The following CCDC6 variants were observed in gnomAD, a reference collection of about 807,000 sequenced individuals.
CCDC6 encodes coiled-coil domain containing 6.
A neutral mutation model predicts 56.6 loss-of-function variants in CCDC6; 20 were observed. The observed-to-expected ratio is 0.35, with a 90% confidence interval of 0.25 to 0.51. CCDC6 has a LOEUF of 0.51. Ranked by LOEUF, CCDC6 falls within the 20% of genes least tolerant of loss-of-function variation. CCDC6 has a pLI of 0.95. For synonymous variants in CCDC6, 241 were observed against 234.4 expected (o/e 1.03, Z -0.26); for missense variants, 367 against 601.1 (o/e 0.61, Z 4.07).
intron 1 of CCDC6, among the ~76,000 whole-genome samples, chr10:59,870,048 C>A (rs1050133678): frequency 3.9e-5 from 6 of 152,152 alleles, no homozygotes; most frequent in African/African-American, 1.4e-4. Context: ...ATTACACTAC[C>A]TTCTTTCCAT....
intron 1 of CCDC6, among the ~76,000 whole-genome samples, chr10:59,861,432 C>CAAAAAA (rs55716341): frequency 2.2e-5 from 2 of 88,968 alleles, no homozygotes; most frequent in Non-Finnish European, 4.4e-5. Flanking sequence ...CAAAAATTAC[C>CAAAAAA]AAAAAAAAAA....
intron 1 of CCDC6, among the ~76,000 whole-genome samples, chr10:59,887,153 A>G (rs919691954): frequency 6.6e-6 from 1 of 152,246 alleles, no homozygotes; most frequent in Non-Finnish European, 1.5e-5. Context: ...CCCTAGAATC[A>G]GCTTGCTTAG....
rs188303158 is a variant in CCDC6, at chr10:59,822,612, T to C, written c.583-7857A>G. Among the ~76,000 whole-genome samples the C allele has an allele frequency of 4.6e-5, 7 of 152,276 alleles. No individual in the cohort carries two copies. The East Asian group carries it at 1.2e-3, about 25-fold the overall frequency. On this transcript the variant is annotated intron_variant, in intron 3 of 8. Coordinates refer to ENST00000263102, the MANE Select transcript of CCDC6 (RefSeq NM_005436.5). The stretch of plus-strand genomic sequence containing the variant: ...CAGACTATTACCTAAAATAAGCATC[T>C]TGCTGGGTGTGGTGGTGCATGTCTG...
intron 1 of CCDC6, among the ~76,000 whole-genome samples, chr10:59,867,889 C>G (rs1208828324): frequency 6.6e-6 from 1 of 152,092 alleles, no homozygotes; most frequent in African/African-American, 2.4e-5. Flanking sequence ...TTAAATCTAC[C>G]TATGACCTGG....
chr10:59,886,769 A>G (rs1284135904), intron 1 of CCDC6, among the ~76,000 whole-genome samples: 3 of 152,218 alleles, frequency 2.0e-5, no homozygotes, highest in East Asian at 3.8e-4. Context: ...TAACATATAG[A>G]GTTCTAAGAA....
At chr10:59,803,458 C>T (rs1355107050) in intron 7 of CCDC6, among the ~76,000 whole-genome samples, 2 of 152,248 alleles carry the variant, frequency 1.3e-5, no homozygotes, top group Admixed American at 1.3e-4. Flanking sequence ...AACTCTGCCT[C>T]TGTCACAGTC....
chr10:59,854,718 G>A (rs961605253), intron 1 of CCDC6, among the ~76,000 whole-genome samples: 3 of 152,134 alleles, frequency 2.0e-5, no homozygotes, highest in African/African-American at 7.2e-5. Context: ...TCAAACTTCA[G>A]GATTTCACGC....
At chr10:59,872,871 T>A (rs1478500977) in intron 1 of CCDC6, among the ~76,000 whole-genome samples, 1 of 151,956 alleles carries the variant, frequency 6.6e-6, no homozygotes, top group African/African-American at 2.4e-5. Flanking sequence ...AAGCTGTCAT[T>A]AGGAATTAAG....
At chr10:59,812,564 G>T in intron 5 of CCDC6, 71 bp downstream of exon 5, 3 of 985,898 alleles carry the variant, frequency 3.0e-6, no homozygotes, top group Non-Finnish European at 4.4e-6. Context: ...ATTAAATGTT[G>T]GTAATACCCT....
intron 3 of CCDC6, among the ~76,000 whole-genome samples, chr10:59,816,797 C>G (rs746257551): frequency 3.9e-5 from 6 of 152,292 alleles, no homozygotes; most frequent in Non-Finnish European, 5.9e-5. Context: ...TTCCTTAGTA[C>G]ATCCTCAGTA....
At chr10:59,860,518 G>C (rs2071119346) in intron 1 of CCDC6, among the ~76,000 whole-genome samples, 1 of 152,044 alleles carries the variant, frequency 6.6e-6, no homozygotes, top group Non-Finnish European at 1.5e-5. Context: ...CTACAGCTCA[G>C]GCATTTGAGA....
chr10:59,880,750 C>G (rs1252125955), intron 1 of CCDC6, among the ~76,000 whole-genome samples: 1 of 152,228 alleles, frequency 6.6e-6, no homozygotes. Context: ...CTATTTAGGC[C>G]AGTTCCTTAA....
At chr10:59,865,022 G>A (rs1312977140) in intron 1 of CCDC6, among the ~76,000 whole-genome samples, 2 of 152,122 alleles carry the variant, frequency 1.3e-5, no homozygotes, top group Non-Finnish European at 1.5e-5. Context: ...CCTCCAAAAC[G>A]TTTTAGCTCA....
rs537202515 is a variant in CCDC6, at chr10:59,814,769, A to G, written c.583-14T>C. ...CTCCCGTCTCAACTAAAGGAAGGAA[A>G]AAAGTGTTACCAAAGTGTCAGGCCA... On this transcript the variant is annotated splice_polypyrimidine_tract_variant and intron_variant, in intron 3 of 8. Transcript: ENST00000263102. The G allele has an allele frequency of 1.8e-5, 28 of 1,544,328 alleles. No homozygotes were observed. The African/African-American group carries it at 3.0e-4, about 16-fold the overall frequency.
intron 1 of CCDC6, among the ~76,000 whole-genome samples, chr10:59,896,914 T>C (rs775073123): frequency 4.0e-5 from 6 of 149,900 alleles, no homozygotes; most frequent in Non-Finnish European, 7.4e-5. Context: ...TTTCACAATA[T>C]AAACCCCATG....
At chr10:59,800,765 C>A (rs2070568328) in intron 7 of CCDC6, among the ~76,000 whole-genome samples, 1 of 151,864 alleles carries the variant, frequency 6.6e-6, no homozygotes, top group Non-Finnish European at 1.5e-5. Context: ...TAAAGGATAA[C>A]CCCTCCCCAC....
intron 2 of CCDC6, among the ~76,000 whole-genome samples, chr10:59,843,870 C>T (rs1392585072): frequency 2.0e-5 from 3 of 152,192 alleles, no homozygotes; most frequent in African/African-American, 7.2e-5. Context: ...GTAGGGTTGA[C>T]TGATCACTCT....
In CCDC6 at chr10:59,859,562, T is replaced by C. The variant is rs73263477; in HGVS notation, c.304-6860A>G. Among the ~76,000 whole-genome samples the C allele has an allele frequency of 8.0e-3, 1,224 of 152,228 alleles. 25 individuals are homozygous for C. The highest frequency in any genetic ancestry group is 0.028 in the African/African-American group (1,166 of 41,520). On this transcript the variant is annotated intron_variant, in intron 1 of 8. Coordinates refer to ENST00000263102, the MANE Select transcript of CCDC6 (RefSeq NM_005436.5). ...GGGTTTTCCATTTCAATAGCAAATC[T>C]GACACCACTGAATAGCAAAGCAAAT...
At chr10:59,831,737 A>G (rs1262202731) in intron 3 of CCDC6, among the ~76,000 whole-genome samples, 3 of 152,236 alleles carry the variant, frequency 2.0e-5, no homozygotes, top group Non-Finnish European at 4.4e-5. Context: ...CGAGGCTAGC[A>G]ATAATATAGT....
Sources: allele counts gnomAD v4.1 joint callset (sites outside exome capture counted in the v4.1 genomes callset), GRCh38; gene constraint gnomAD v4.1.1; transcripts MANE v1.5; gene names NCBI Gene and HGNC (gene_info 2026-07-23, HGNC 2026-07-21).